CNTNAP2: variants seen among roughly 807,000 people sequenced by gnomAD.
CNTNAP2 encodes the protein contactin associated protein 2, also known as contactin-associated protein-like 2.
A neutral mutation model predicts 155.2 loss-of-function variants in CNTNAP2; 98 were observed. That is an observed-to-expected ratio of 0.63 (90% CI 0.54 to 0.75). The LOEUF (loss-of-function observed/expected upper bound fraction) is 0.75, where lower values mean the gene tolerates loss of function less well. Ranked by LOEUF, CNTNAP2 falls within the 30% of genes least tolerant of loss-of-function variation. CNTNAP2 has a pLI of 0.00. For synonymous variants in CNTNAP2, 651 were observed against 631.2 expected (o/e 1.03, Z -0.47); for missense variants, 1,727 against 1,688.1 (o/e 1.02, Z -0.40).
intron 9 of CNTNAP2, among the ~76,000 whole-genome samples, chr7:147,322,036 C>T (rs1244835488): frequency 6.6e-6 from 1 of 152,122 alleles, no homozygotes; most frequent in Non-Finnish European, 1.5e-5. Context: ...TAGGCTTTTT[C>T]CATATTTCTG....
intron 8 of CNTNAP2, among the ~76,000 whole-genome samples, chr7:147,172,291 T>G (rs561941852): frequency 4.8e-4 from 73 of 152,302 alleles, no homozygotes; most frequent in African/African-American, 1.7e-3. Context: ...TCACATTTAT[T>G]CCAAATGGGC....
intron 1 of CNTNAP2, among the ~76,000 whole-genome samples, chr7:146,562,105 T>C (rs1049541679): frequency 6.6e-6 from 1 of 152,146 alleles, no homozygotes; most frequent in Non-Finnish European, 1.5e-5. Flanking sequence ...CATTTTTGAA[T>C]CTCCTTAACT....
intron 13 of CNTNAP2, among the ~76,000 whole-genome samples, chr7:147,811,632 T>C (rs1348164561): frequency 6.6e-6 from 1 of 152,210 alleles, no homozygotes; most frequent in Admixed American, 6.5e-5. Context: ...GATTATCAAA[T>C]ATGCTTAAAC....
At chr7:147,859,266 A>C (rs189551904) in intron 13 of CNTNAP2, among the ~76,000 whole-genome samples, 1 of 152,148 alleles carries the variant, frequency 6.6e-6, no homozygotes, top group Non-Finnish European at 1.5e-5. Context: ...CAGAAATATC[A>C]TATCTGCCAA....
chr7:147,584,649 T>C (rs1372703949), intron 12 of CNTNAP2, among the ~76,000 whole-genome samples: 4 of 151,770 alleles, frequency 2.6e-5, no homozygotes, highest in Admixed American at 6.6e-5. Flanking sequence ...GAAAATGTCA[T>C]GTTTAAATCT....
chr7:147,465,239 A>G (rs1798099969), intron 10 of CNTNAP2, among the ~76,000 whole-genome samples: 1 of 152,216 alleles, frequency 6.6e-6, no homozygotes, highest in South Asian at 2.1e-4. Context: ...TGGGTTCAAT[A>G]GAAGCTCAAA....
At chr7:146,704,971 G>A (rs1800938448) in intron 1 of CNTNAP2, among the ~76,000 whole-genome samples, 1 of 152,080 alleles carries the variant, frequency 6.6e-6, no homozygotes, top group Non-Finnish European at 1.5e-5. Flanking sequence ...TCAGATCCCT[G>A]AAATTTCTGG....
rs1189828025 is a variant in CNTNAP2 at position 147,943,681 on chromosome 7, A to G, written c.2256-34181A>G. Reference sequence around the variant, plus strand: ...CTACTTGGGAGGCTGAGCCAGGAGAATCGCCCAGGAGACAGAGGTTGCAGT... The same window carrying G: ...CTACTTGGGAGGCTGAGCCAGGAGAGTCGCCCAGGAGACAGAGGTTGCAGT... On this transcript the variant is annotated intron_variant, in intron 14 of 23. Transcript: ENST00000361727. 2.8e-5 allele frequency among the ~76,000 whole-genome samples: 4 copies of G among 145,394 alleles called. No homozygotes were observed. The East Asian group carries it at 8.7e-4, about 31-fold the overall frequency.
intron 1 of CNTNAP2, among the ~76,000 whole-genome samples, chr7:146,606,558 C>T (rs1585003875): frequency 6.6e-6 from 1 of 152,134 alleles, no homozygotes; most frequent in East Asian, 1.9e-4. Flanking sequence ...AGCCATAAGT[C>T]TATAACATTC....
At position 147,868,210 on chromosome 7, in the gene CNTNAP2, A is replaced by G. The variant is rs375908729; in HGVS notation, c.2099-35355A>G. 3.2e-4 allele frequency among the ~76,000 whole-genome samples: 49 copies of G among 152,294 alleles called. 1 individual carries two copies. Among genetic ancestry groups the G allele is most frequent in the African/African-American group, 1.0e-3 (42 of 41,560 alleles). On this transcript the variant is annotated intron_variant, in intron 13 of 23. Transcript: ENST00000361727. ...TTTCCGTCTAATAGTCAGGTCCCTCAGCTGCAGTTCTGTTGGAGTTTGCTG... is the reference window on the plus strand; with the variant it reads ...TTTCCGTCTAATAGTCAGGTCCCTCGGCTGCAGTTCTGTTGGAGTTTGCTG...
intron 3 of CNTNAP2, among the ~76,000 whole-genome samples, chr7:146,972,930 G>C (rs192018682): frequency 6.6e-6 from 1 of 152,248 alleles, no homozygotes; most frequent in African/African-American, 2.4e-5. Context: ...ATTCTGTGCT[G>C]TCTAATACCA....
At chr7:148,189,630 G>A (rs936956335) in intron 18 of CNTNAP2, among the ~76,000 whole-genome samples, 2 of 152,104 alleles carry the variant, frequency 1.3e-5, no homozygotes, top group African/African-American at 2.4e-5. Flanking sequence ...ACATCCCCTC[G>A]ATCTTGAACT....
intron 1 of CNTNAP2, among the ~76,000 whole-genome samples, chr7:146,257,366 A>C (rs1468755215): frequency 2.0e-5 from 3 of 152,162 alleles, no homozygotes; most frequent in African/African-American, 4.8e-5. Context: ...ATCTTTCTAT[A>C]TATCTGCTCT....
At chr7:147,161,889 C>T (rs1802032658) in intron 8 of CNTNAP2, 1 of 152,104 alleles carries the variant, frequency 6.6e-6, no homozygotes, top group Non-Finnish European at 1.5e-5. Flanking sequence ...GCTTTGACCT[C>T]CTTTCTGTTC....
intron 1 of CNTNAP2, among the ~76,000 whole-genome samples, chr7:146,156,152 G>C (rs1189008977): frequency 2.4e-4 from 37 of 152,132 alleles, no homozygotes; most frequent in Non-Finnish European, 1.0e-4. Context: ...GGTATCTAAA[G>C]ATAATGACAA....
intron 3 of CNTNAP2, among the ~76,000 whole-genome samples, chr7:146,933,953 G>C (rs1025409936): frequency 3.8e-4 from 58 of 152,164 alleles, no homozygotes; most frequent in South Asian, 8.3e-4. Context: ...AGGTGCTGGA[G>C]AGGATGTGGA....
chr7:146,317,114 A>G (rs1800920455), intron 1 of CNTNAP2, among the ~76,000 whole-genome samples: 1 of 152,184 alleles, frequency 6.6e-6, no homozygotes, highest in Non-Finnish European at 1.5e-5. Context: ...TTATTTATTC[A>G]TATACATTTT....
At chr7:146,804,942 C>A (rs1436192745) in intron 2 of CNTNAP2, among the ~76,000 whole-genome samples, 1 of 152,180 alleles carries the variant, frequency 6.6e-6, no homozygotes, top group Non-Finnish European at 1.5e-5. Context: ...AATTCTCATA[C>A]CTTTTCATTT....
chr7:147,688,486 A>C (rs956061353), intron 13 of CNTNAP2, among the ~76,000 whole-genome samples: 3 of 152,166 alleles, frequency 2.0e-5, no homozygotes, highest in African/African-American at 7.2e-5. Context: ...TGAGTATGAC[A>C]GCTCAACTCC....
Sources: allele counts gnomAD v4.1 joint callset (sites outside exome capture counted in the v4.1 genomes callset), GRCh38; gene constraint gnomAD v4.1.1; transcripts MANE v1.5; gene names NCBI Gene and HGNC (gene_info 2026-07-23, HGNC 2026-07-21).